Variants in BRD2 observed in about 807,000 individuals in gnomAD.
The protein encoded by BRD2 is bromodomain containing 2, also known as bromodomain-containing protein 2.
In BRD2, 15 loss-of-function variants were observed where a neutral mutation model predicts 79.1. The observed-to-expected ratio is 0.19, with a 90% CI of 0.13 to 0.29. BRD2 has a LOEUF of 0.29. BRD2 is among the 10% of genes least tolerant of loss of function. The pLI is 1.00. For synonymous variants in BRD2, 488 were observed against 358.6 expected (o/e 1.36, Z -4.08); for missense variants, 1,053 against 991.3 (o/e 1.06, Z -0.84).
chr6:32,978,333 G>A lies in BRD2; in HGVS notation c.1786G>A (p.Gly596Ser), dbSNP rs767566549. The change falls in exon 10 of 13, where the codon GGC becomes AGC. Residue 596 changes from glycine to serine, a missense_variant. By Grantham distance (56) the Gly-to-Ser change is moderately conservative (BLOSUM62 0). Coordinates refer to ENST00000374825, the MANE Select transcript of BRD2 (RefSeq NM_005104.4). ...KSKKASGSGG[G>S]SAALGPSGFG... Reference sequence around the variant, plus strand: ...CAAGAAAGCAAGTGGCAGTGGGGGTGGCAGTGCTGCTTTAGGCCCTTCTGG... The same window carrying A: ...CAAGAAAGCAAGTGGCAGTGGGGGTAGCAGTGCTGCTTTAGGCCCTTCTGG... The A allele has an allele frequency of 1.7e-5, 27 of 1,612,918 alleles. No individual in the cohort carries two copies. The highest frequency in any genetic ancestry group is 2.3e-5 in the Non-Finnish European group (27 of 1,180,030).
Position 32,972,684 on chromosome 6 carries a change from C to A in BRD2, c.-215C>A. 3.1e-6 allele frequency: 2 copies of A among 651,676 alleles called. No individual in the cohort carries two copies. The highest frequency in any genetic ancestry group is 5.2e-6 in the Non-Finnish European group (2 of 381,986). 40.4% of individuals were successfully genotyped at this position (651,676 alleles called of 1,614,324 possible). On this transcript the variant is annotated 5_prime_UTR_variant, in exon 2 of 13. Transcript: ENST00000374825. The stretch of plus-strand genomic sequence containing the variant: ...AGGCCGCCGCCATTTTCTTGCTGTC[C>A]GCCGTCTGCAGAGCGCGCCAAGCTG...
chr6:32,974,059 C>T (rs1021964112), intron 2 of BRD2, among the ~76,000 whole-genome samples: 1 of 152,108 alleles, frequency 6.6e-6, no homozygotes, highest in African/African-American at 2.4e-5. Context: ...GCTCAACCAC[C>T]ATGGCAACCA....
intron 9 of BRD2, 40 bp from the exon 10 acceptor site, chr6:32,978,086 C>CT: frequency 1.3e-6 from 2 of 1,590,384 alleles, no homozygotes; most frequent in Non-Finnish European, 1.7e-6. Context: ...GTTATTTTAT[C>CT]TTTATTTACT....
intron 9 of BRD2, 52 bp from the exon 10 acceptor site, chr6:32,978,074 T>A: frequency 1.3e-6 from 2 of 1,588,690 alleles, no homozygotes; most frequent in South Asian, 1.1e-5. Context: ...TTTTTTCTTC[T>A]TGTTATTTTA....
intron 12 of BRD2, 28 bp downstream of exon 12, chr6:32,980,492 G>T (rs1779379429): frequency 6.2e-7 from 1 of 1,612,760 alleles, no homozygotes; most frequent in Non-Finnish European, 8.5e-7. Flanking sequence ...TGCCACTACA[G>T]ATTGACTCCA....
Position 32,977,095 on chromosome 6 carries a change from T to A in BRD2, c.1200+159T>A. On this transcript the variant is annotated intron_variant, in intron 7 of 12. Transcript: ENST00000374825. ...CAGAAGGTCTGGTGTTTTGAGAATTTGTATTTCTTGGAGTTTGAAACAGTA... is the reference window on the plus strand; with the variant it reads ...CAGAAGGTCTGGTGTTTTGAGAATTAGTATTTCTTGGAGTTTGAAACAGTA... The A allele has an allele frequency of 2.4e-6, 3 of 1,261,232 alleles. No individual in the cohort carries two copies. The South Asian group carries it at 4.7e-5, about 20-fold the overall frequency. The allele number at this position is 1,261,232 out of a possible 1,614,324, so 78.1% of individuals were successfully genotyped here.
chr6:32,980,595 A>G lies in BRD2; in HGVS notation c.2283A>G (p.Thr761=). ...TTTGTTCTGCAGCGAATGAGAAAAC[A>G]GAGTCATCCTCTGCACAGCAAGTAG... ...KKPPKKANEK[T]ESSSAQQVAV... The change falls in exon 13 of 13, where the codon ACA becomes ACG. Residue 761 remains threonine, a synonymous_variant. Coordinates refer to ENST00000374825, the MANE Select transcript of BRD2 (RefSeq NM_005104.4). The G allele has an allele frequency of 1.2e-6, 2 of 1,613,158 alleles. No individual in the cohort carries two copies. The highest frequency in any genetic ancestry group is 1.7e-6 in the Non-Finnish European group (2 of 1,180,046).
At chr6:32,969,102 A>C in intron 1 of BRD2, 46 bp downstream of exon 1, 1 of 519,992 alleles carries the variant, frequency 1.9e-6, no homozygotes, top group South Asian at 2.6e-5. Context: ...CAAGTGCTTA[A>C]CCAATGGTGG....
Position 32,974,546 on chromosome 6 carries a change from CTT to C in BRD2, c.115_116del (p.Leu39ValfsTer2), listed in dbSNP as rs752965005. The C allele has an allele frequency of 1.2e-6, 2 of 1,614,262 alleles. No individual in the cohort carries two copies. Among genetic ancestry groups the C allele is most frequent in the South Asian group, 1.1e-5 (1 of 91,090 alleles). ...GGAAGAGGATTCGAAAACCCTCTCT[CTT>C]GTATGAGGGCTTTGAGAGCCCCACA... ...PGKRIRKPSLLYEGFESPTMA... is the reference protein window; with the variant it reads ...PGKRIRKPSLXYEGFESPTMA... On this transcript the variant is annotated frameshift_variant, in exon 3 of 13. Transcript: ENST00000374825. LOFTEE classifies it high-confidence loss of function.
At position 32,980,640 on chromosome 6, in the gene BRD2, TTCCAGC is replaced by T. The variant is rs777613050; in HGVS notation, c.2337_2342del (p.Ser780_Ser781del). 7 of 1,613,194 alleles carry T rather than the reference TTCCAGC, an allele frequency of 4.3e-6. No individual in the cohort carries two copies. The highest frequency in any genetic ancestry group is 5.9e-6 in the Non-Finnish European group (7 of 1,180,036). ...AAGTAGCAGTGTCACGCCTTAGCGC[TTCCAGC>T]TCCAGCTCAGATTCCAGCTCCTCCT... On this transcript the variant is annotated inframe_deletion, in exon 13 of 13. Coordinates refer to ENST00000374825, the MANE Select transcript of BRD2 (RefSeq NM_005104.4).
intron 10 of BRD2, chr6:32,978,697 A>T (rs1324916662): frequency 4.6e-6 from 2 of 435,816 alleles, no homozygotes; most frequent in Non-Finnish European, 8.2e-6. Context: ...TCATGCTTCT[A>T]TGAGAATCTA....
At chr6:32,975,009 T>C in intron 3 of BRD2, 1 of 1,528,048 alleles carries the variant, frequency 6.5e-7, no homozygotes, top group Non-Finnish European at 8.8e-7. Context: ...GTGCCCTGGC[T>C]CCATTTTACA....
intron 1 of BRD2, chr6:32,970,719 G>A (rs1777867495): frequency 6.6e-6 from 1 of 152,204 alleles, no homozygotes; most frequent in Non-Finnish European, 1.5e-5. Flanking sequence ...ATGCTCTGGA[G>A]ATCCTGACTC....
chr6:32,969,401 G>A (rs977901913), intron 1 of BRD2: 7 of 715,212 alleles, frequency 9.8e-6, no homozygotes, highest in Non-Finnish European at 1.8e-5. Context: ...CTGGCGGTGG[G>A]CTGAGGAGTG....
At chr6:32,975,904 T>C (rs1778677155) in intron 4 of BRD2, 127 bp from the exon 5 acceptor site, 2 of 1,133,898 alleles carry the variant, frequency 1.8e-6, no homozygotes, top group Non-Finnish European at 2.4e-6. Flanking sequence ...CTTTAAGATT[T>C]GATGACAAGA....
chr6:32,976,663 G>T lies in BRD2; in HGVS notation c.927G>T (p.Lys309Asn), dbSNP rs1282820227. The stretch of plus-strand genomic sequence containing the variant: ...GCCCTCCTGGGAGTCTTGAGCCTAA[G>T]GCAGCACGGCTTCCCCCTATGCGTA... ...PASPPGSLEP[K>N]AARLPPMRRE... Residue 309 changes from lysine to asparagine, a missense_variant, in exon 7 of 13, where the codon AAG (lysine) becomes AAT (asparagine). Transcript: ENST00000374825. The T allele has an allele frequency of 1.2e-6, 2 of 1,612,842 alleles. No individual in the cohort carries two copies. Among genetic ancestry groups the T allele is most frequent in the East Asian group, 2.2e-5 (1 of 44,904 alleles).
chr6:32,972,181 G>A lies in BRD2; in HGVS notation c.-718G>A. Reference sequence around the variant, plus strand: ...CTCCCCGCCTATATATAAAGGGCTGGCGCGGGGCTCGGCGGCGCCATTTCG... The same window carrying A: ...CTCCCCGCCTATATATAAAGGGCTGACGCGGGGCTCGGCGGCGCCATTTCG... On this transcript the variant is annotated 5_prime_UTR_variant, in exon 2 of 13. The change creates a premature stop within an existing upstream ORF in the 5' untranslated region. Transcript: ENST00000374825. 1.2e-5 allele frequency: 7 copies of A among 578,236 alleles called. No homozygotes were observed. The South Asian group carries it at 1.3e-4, about 11-fold the overall frequency. The allele number at this position is 578,236 out of a possible 1,614,324, so 35.8% of individuals were successfully genotyped here. A position where few individuals can be genotyped will look rare whatever the true frequency, so the allele number is the denominator to read the frequency against.
rs1349885243 is a variant in BRD2 at position 32,971,988 on chromosome 6, TGAA to T, written c.-909_-907del. ...TGCCTGGTGACTGACACCTTGGAAA[TGAA>T]GTTTATGACGTCATCGTTGCGGCTG... On this transcript the variant is annotated 5_prime_UTR_variant, in exon 2 of 13. Transcript: ENST00000374825. The T allele has an allele frequency of 1.4e-6, 1 of 702,422 alleles. No homozygotes were observed. The highest frequency in any genetic ancestry group is 1.8e-5 in the African/African-American group (1 of 57,102). The allele number at this position is 702,422 out of a possible 1,614,324, so 43.5% of individuals were successfully genotyped here.
chr6:32,979,104 T>A (rs1195812962), intron 10 of BRD2: 1 of 148,792 alleles, frequency 6.7e-6, no homozygotes, highest in East Asian at 2.0e-4. Flanking sequence ...CAGGCTGGAG[T>A]GCAGTGGCGT....
Sources: gnomAD v4.1 joint callset for allele counts (sites outside exome capture counted in the v4.1 genomes callset) on GRCh38, gnomAD v4.1.1 for gene constraint, MANE v1.5 for transcripts, NCBI Gene and HGNC (gene_info 2026-07-23, HGNC 2026-07-21) for gene names.